Variants in DAAM2 observed in about 807,000 individuals in gnomAD.
DAAM2 encodes disheveled-associated activator of morphogenesis 2.
DAAM2 carries 39 observed loss-of-function variants against 120.7 expected under a neutral mutation model. The ratio of observed to expected loss-of-function variants is 0.32; its 90% confidence interval spans 0.25 to 0.42. The LOEUF (loss-of-function observed/expected upper bound fraction) is 0.42, where lower values mean the gene tolerates loss of function less well. Ranked by LOEUF, DAAM2 falls within the 10% of genes least tolerant of loss-of-function variation. The pLI is 1.00. For synonymous variants in DAAM2, 488 were observed against 524.9 expected (o/e 0.93, Z 0.96); for missense variants, 1,283 against 1,401.7 (o/e 0.92, Z 1.35).
At chr6:39,848,270 G>C (rs187485413) in intron 1 of DAAM2, among the ~76,000 whole-genome samples, 2 of 152,168 alleles carry the variant, frequency 1.3e-5, no homozygotes, top group East Asian at 3.9e-4. Flanking sequence ...CTGATGTCAG[G>C]CTCATCTAAG....
At chr6:39,810,224 A>G (rs1353082453) in intron 1 of DAAM2, among the ~76,000 whole-genome samples, 2 of 152,228 alleles carry the variant, frequency 1.3e-5, no homozygotes, top group East Asian at 1.9e-4. Flanking sequence ...TGCTGCTGCA[A>G]ACAAAAGCAG....
chr6:39,883,708 T>A, intron 14 of DAAM2: 1 of 359,120 alleles, frequency 2.8e-6, no homozygotes, highest in Non-Finnish European at 5.2e-6. Flanking sequence ...GCACCCCCCA[T>A]GATTTCTAGA....
chr6:39,868,912 C>G lies in DAAM2; in HGVS notation c.852C>G (p.Val284=), dbSNP rs1455593421. 10 of 1,580,784 alleles carry G rather than the reference C, an allele frequency of 6.3e-6. No homozygotes were observed. Among genetic ancestry groups the G allele is most frequent in the Admixed American group, 1.8e-5 (1 of 55,058 alleles). The stretch of plus-strand genomic sequence containing the variant: ...CCATCATGTCCTTCATCAATGCTGT[C>G]CTCAATGCTGGAGCTGGAGAGGTGG... ...KTAIMSFINA[V]LNAGAGEDNL... Residue 284 remains valine, a synonymous_variant, in exon 7 of 25, where the codon GTC becomes GTG. Coordinates refer to ENST00000274867, the MANE Select transcript of DAAM2 (RefSeq NM_001201427.2).
At chr6:39,866,232 G>A (rs1050607185) in intron 5 of DAAM2, among the ~76,000 whole-genome samples, 4 of 152,204 alleles carry the variant, frequency 2.6e-5, no homozygotes, top group African/African-American at 4.8e-5. Flanking sequence ...TAAAGGGGTT[G>A]AGAGGAAGTT....
At chr6:39,861,848 C>A (rs1451728822) in intron 3 of DAAM2, 2 of 152,802 alleles carry the variant, frequency 1.3e-5, no homozygotes, top group Non-Finnish European at 2.9e-5. Flanking sequence ...TATTCCCACG[C>A]CTGAGGCTTA....
rs1312178280 is a variant in DAAM2, at chr6:39,901,543, G to T, written c.2982+71G>T. ...CTTGGGGAGAACACCCCCAAACTGG[G>T]GTGTGTGGGAGGAGGGCAGAGACTG... On this transcript the variant is annotated intron_variant, in intron 24 of 24. Transcript: ENST00000274867. The surrounding 1 kb of genome is among the most constrained non-coding windows in gnomAD (Gnocchi z 4.5). 1.1e-5 allele frequency: 16 copies of T among 1,514,322 alleles called. No individual in the cohort carries two copies. In the East Asian group the frequency reaches 3.6e-4, roughly 34 times the overall value. 93.8% of individuals were successfully genotyped at this position (1,514,322 alleles called of 1,614,324 possible).
intron 5 of DAAM2, among the ~76,000 whole-genome samples, chr6:39,865,704 A>C (rs1764402701): frequency 6.6e-6 from 1 of 152,220 alleles, no homozygotes; most frequent in African/African-American, 2.4e-5. Flanking sequence ...CTGAGTGTCA[A>C]ATTTTCAGCA....
chr6:39,885,265 A>G (rs1765324925), intron 15 of DAAM2: 1 of 152,058 alleles, frequency 6.6e-6, no homozygotes, highest in African/African-American at 2.4e-5. Flanking sequence ...CGGATTCTCT[A>G]CTCCTAATTC....
intron 1 of DAAM2, among the ~76,000 whole-genome samples, chr6:39,835,084 G>A (rs1763054361): frequency 6.6e-6 from 1 of 152,162 alleles, no homozygotes; most frequent in Admixed American, 6.5e-5. Flanking sequence ...CTCTCCCACT[G>A]GACTGTGAGC....
At chr6:39,871,444 C>T in intron 8 of DAAM2, 62 bp from the exon 9 acceptor site, 1 of 1,477,332 alleles carries the variant, frequency 6.8e-7, no homozygotes, top group Non-Finnish European at 9.3e-7. Flanking sequence ...GGGCTGTAAC[C>T]CTCAACCAAG....
At chr6:39,872,365 C>G (rs568296852) in intron 9 of DAAM2, among the ~76,000 whole-genome samples, 5 of 152,262 alleles carry the variant, frequency 3.3e-5, no homozygotes, top group African/African-American at 9.6e-5. Flanking sequence ...AAGCCTCCCC[C>G]GGGAAGGCAT....
intron 5 of DAAM2, among the ~76,000 whole-genome samples, chr6:39,866,660 A>G (rs76084069): frequency 6.6e-6 from 1 of 152,250 alleles, no homozygotes; most frequent in Non-Finnish European, 1.5e-5. Context: ...AATAATAAAA[A>G]TGAGATAGCA....
chr6:39,816,408 G>A (rs773546887), intron 1 of DAAM2, among the ~76,000 whole-genome samples: 15 of 152,154 alleles, frequency 9.9e-5, no homozygotes, highest in Non-Finnish European at 2.1e-4. Context: ...ATAATTCTTG[G>A]TTGTGGGGGG....
In DAAM2 at chr6:39,901,332, C is replaced by A; in HGVS notation, c.2842C>A (p.His948Asn). 5.6e-6 allele frequency: 9 copies of A among 1,613,956 alleles called. No homozygotes were observed. The highest frequency in any genetic ancestry group is 7.6e-6 in the Non-Finnish European group (9 of 1,179,852). Residue 948 changes from histidine (H) to asparagine (N), a missense_variant, in exon 24 of 25, where the codon CAT (histidine) becomes AAT (asparagine). By Grantham distance (68) the His-to-Asn change is moderately conservative. Around this residue, in one of 3 missense-constraint regions of DAAM2, gnomAD observed 748 missense variants for 768.6 expected, o/e 0.97. Coordinates refer to ENST00000274867, the MANE Select transcript of DAAM2 (RefSeq NM_001201427.2). The surrounding 1 kb of genome is among the most constrained non-coding windows in gnomAD (Gnocchi z 4.5). ...FAKALMHFGEHDSKMQPDEFF... is the reference protein window; with the variant it reads ...FAKALMHFGENDSKMQPDEFF... ...CAAGGCCTTGATGCACTTCGGGGAGCATGACAGCAAGATGCAGCCAGACGA... is the reference window on the plus strand; with the variant it reads ...CAAGGCCTTGATGCACTTCGGGGAGAATGACAGCAAGATGCAGCCAGACGA...
At chr6:39,847,653 C>T (rs1763648870) in intron 1 of DAAM2, among the ~76,000 whole-genome samples, 1 of 152,074 alleles carries the variant, frequency 6.6e-6, no homozygotes, top group African/African-American at 2.4e-5. Flanking sequence ...CACTCACGTG[C>T]CGGCACCCCT....
In DAAM2 at chr6:39,876,718, T is replaced by C. The variant is rs975619667; in HGVS notation, c.1301+1250T>C. On this transcript the variant is annotated intron_variant, in intron 11 of 24. Coordinates refer to ENST00000274867, the MANE Select transcript of DAAM2 (RefSeq NM_001201427.2). ...CTGGAATGGGAAGGGTGTGTGTGTG[T>C]GTGTGTGTGTGCGTGTGTGTATGTG... 2.8e-5 allele frequency among the ~76,000 whole-genome samples: 3 copies of C among 108,470 alleles called. No homozygotes were observed. The Admixed American group carries it at 2.8e-4, about 10-fold the overall frequency. The allele number at this position is 108,470 out of a possible 152,430, so 71.2% of individuals were successfully genotyped here. A position where few individuals can be genotyped will look rare whatever the true frequency, so the allele number is the denominator to read the frequency against.
At position 39,896,976 on chromosome 6, in the gene DAAM2, G is replaced by A. The variant is rs187381000; in HGVS notation, c.2506G>A (p.Asp836Asn). 5.0e-6 allele frequency: 8 copies of A among 1,604,884 alleles called. No individual in the cohort carries two copies. Among genetic ancestry groups the A allele is most frequent in the African/African-American group, 1.3e-5 (1 of 74,854 alleles). Residue 836 changes from aspartate to asparagine, a missense_variant, in exon 20 of 25, where the codon GAC becomes AAC. Asp to Asn is a conservative substitution (Grantham distance 23). Around this residue, in one of 3 missense-constraint regions of DAAM2, gnomAD observed 748 missense variants for 768.6 expected, o/e 0.97. Transcript: ENST00000274867. ...NKIADTKSSIDRNISLLHYLI... is the reference protein window; with the variant it reads ...NKIADTKSSINRNISLLHYLI... ...GATCGCTGACACCAAGTCCAGCATC[G>A]ACAGGTGAGGACCTCCCTTCCCGGC... is the stretch of plus-strand genomic sequence containing the variant.
intron 1 of DAAM2, among the ~76,000 whole-genome samples, chr6:39,830,644 G>T (rs1762846457): frequency 6.6e-6 from 1 of 152,168 alleles, no homozygotes; most frequent in African/African-American, 2.4e-5. Context: ...CCAAGGCCAG[G>T]ATGTGGCGTG....
intron 1 of DAAM2, among the ~76,000 whole-genome samples, chr6:39,813,511 G>A (rs921639957): frequency 6.6e-6 from 1 of 152,184 alleles, no homozygotes; most frequent in African/African-American, 2.4e-5. Flanking sequence ...CAGAGTGTGT[G>A]TGGAGTGAGT....
Sources: gnomAD v4.1 joint callset for allele counts (sites outside exome capture counted in the v4.1 genomes callset) on GRCh38, gnomAD v4.1.1 for gene constraint, gnomAD v4.1.1 regional missense constraint, Gnocchi (gnomAD v3.1) non-coding constraint, MANE v1.5 for transcripts, NCBI Gene and HGNC (gene_info 2026-07-23, HGNC 2026-07-21) for gene names.